The following FHIT variants were observed in gnomAD, a reference collection of about 807,000 sequenced individuals.
The protein encoded by FHIT is bis(5'-adenosyl)-triphosphatase.
FHIT carries 19 observed loss-of-function variants against 17.9 expected under a neutral mutation model. The ratio of observed to expected loss-of-function variants is 1.06; its 90% CI spans 0.74 to 1.56. FHIT has a LOEUF of 1.56. FHIT is among the 40% of genes most tolerant of loss of function. FHIT has a pLI of 0.00. For synonymous variants in FHIT, 81 were observed against 69.7 expected (o/e 1.16, Z -0.81); for missense variants, 248 against 189.2 (o/e 1.31, Z -1.82).
intron 5 of FHIT, among the ~76,000 whole-genome samples, chr3:60,273,481 G>C (rs546571247): frequency 2.0e-5 from 3 of 151,952 alleles, no homozygotes; most frequent in African/African-American, 7.2e-5. Context: ...GTGGTGGCGG[G>C]TGCCTGTCCT....
At chr3:61,070,515 C>T (rs541136681) in intron 2 of FHIT, among the ~76,000 whole-genome samples, 6 of 152,286 alleles carry the variant, frequency 3.9e-5, no homozygotes, top group African/African-American at 1.4e-4. Flanking sequence ...ATCTTGGCTG[C>T]TTCTAATTCA....
At chr3:60,616,883 A>G (rs782520373) in intron 4 of FHIT, 1 of 152,920 alleles carries the variant, frequency 6.5e-6, no homozygotes, top group Non-Finnish European at 1.5e-5. Context: ...TCTCTGGTAT[A>G]TGAGAACTTT....
chr3:60,689,564 C>T (rs541281867), intron 4 of FHIT, among the ~76,000 whole-genome samples: 6 of 152,212 alleles, frequency 3.9e-5, no homozygotes, highest in East Asian at 3.9e-4. Flanking sequence ...GACGACAGTA[C>T]TTGGTGATTT....
At chr3:60,662,513 G>A (rs2040282043) in intron 4 of FHIT, among the ~76,000 whole-genome samples, 1 of 151,958 alleles carries the variant, frequency 6.6e-6, no homozygotes, top group Non-Finnish European at 1.5e-5. Context: ...GTCTTGCTTT[G>A]GCTTTGTGGG....
chr3:60,226,219 T>C (rs533926958), intron 5 of FHIT, among the ~76,000 whole-genome samples: 42 of 152,144 alleles, frequency 2.8e-4, no homozygotes, highest in African/African-American at 9.9e-4. Flanking sequence ...ACACCTATAA[T>C]CCCAGCACTT....
chr3:59,880,345 C>T (rs925385127), intron 8 of FHIT, among the ~76,000 whole-genome samples: 1 of 152,204 alleles, frequency 6.6e-6, no homozygotes, highest in Admixed American at 6.5e-5. Flanking sequence ...CCCAAGGAAC[C>T]TGCCTTGCCC....
chr3:60,265,770 T>TA (rs1283118727), intron 5 of FHIT, among the ~76,000 whole-genome samples: 2 of 151,914 alleles, frequency 1.3e-5, no homozygotes, highest in Non-Finnish European at 2.9e-5. Flanking sequence ...GTAAAGGTTT[T>TA]AAATAGACAT....
chr3:60,788,163 G>C (rs1479429032), intron 4 of FHIT, among the ~76,000 whole-genome samples: 1 of 152,114 alleles, frequency 6.6e-6, no homozygotes, highest in African/African-American at 2.4e-5. Flanking sequence ...CCAGTAGCAC[G>C]TGCCTGTAGT....
At chr3:59,803,271 A>T (rs1050709631) in intron 8 of FHIT, among the ~76,000 whole-genome samples, 2 of 152,140 alleles carry the variant, frequency 1.3e-5, no homozygotes, top group East Asian at 1.9e-4. Context: ...GACGAGGTAA[A>T]TTTTTTTCCC....
chr3:61,100,374 T>C (rs563846367), intron 2 of FHIT, among the ~76,000 whole-genome samples: 22 of 152,310 alleles, frequency 1.4e-4, no homozygotes, highest in Non-Finnish European at 2.8e-4. Flanking sequence ...TCCATGTCCC[T>C]ACAAAGGACA....
chr3:59,879,322 T>C (rs1206625217), intron 8 of FHIT, among the ~76,000 whole-genome samples: 1 of 152,186 alleles, frequency 6.6e-6, no homozygotes, highest in Non-Finnish European at 1.5e-5. Context: ...AGCCAGAACA[T>C]GAGGATACAT....
At chr3:60,218,857 CTACATACATACA>C (rs36071604) in intron 5 of FHIT, among the ~76,000 whole-genome samples, 1 of 151,708 alleles carries the variant, frequency 6.6e-6, no homozygotes, top group Non-Finnish European at 1.5e-5. Flanking sequence ...TCTATACTGC[CTACATACATACA>C]TACATACATA....
At chr3:60,542,656 T>C (rs543083006) in intron 4 of FHIT, among the ~76,000 whole-genome samples, 1 of 152,320 alleles carries the variant, frequency 6.6e-6, no homozygotes, top group East Asian at 1.9e-4. Flanking sequence ...TTGTATATTC[T>C]AAATATTGAT....
chr3:60,221,578 G>C (rs1237798376), intron 5 of FHIT, among the ~76,000 whole-genome samples: 3 of 152,262 alleles, frequency 2.0e-5, no homozygotes, highest in South Asian at 4.1e-4. Flanking sequence ...TTCCCACAAG[G>C]CTCCTTCATG....
chr3:60,211,792 G>C (rs1703464018), intron 5 of FHIT, among the ~76,000 whole-genome samples: 1 of 152,036 alleles, frequency 6.6e-6, no homozygotes, highest in African/African-American at 2.4e-5. Context: ...ATTCTGACTG[G>C]GGAAAACCAC....
At chr3:60,434,516 A>G (rs2030032596) in intron 5 of FHIT, among the ~76,000 whole-genome samples, 1 of 151,998 alleles carries the variant, frequency 6.6e-6, no homozygotes, top group African/African-American at 2.4e-5. Context: ...TGATCACACT[A>G]TCCTAGTCCC....
At chr3:60,355,391 C>A (rs997222003) in intron 5 of FHIT, among the ~76,000 whole-genome samples, 3 of 151,854 alleles carry the variant, frequency 2.0e-5, no homozygotes, top group African/African-American at 7.3e-5. Context: ...TCTAATCTGT[C>A]ATCTGTTATT....
chr3:60,158,451 A>G (rs1700801758), intron 5 of FHIT, among the ~76,000 whole-genome samples: 1 of 152,120 alleles, frequency 6.6e-6, no homozygotes, highest in Non-Finnish European at 1.5e-5. Flanking sequence ...AACTAGGATT[A>G]CAGGCACCTG....
intron 2 of FHIT, among the ~76,000 whole-genome samples, chr3:61,121,777 A>G (rs2036464039): frequency 6.6e-6 from 1 of 152,232 alleles, no homozygotes; most frequent in African/African-American, 2.4e-5. Context: ...AAATGCCACA[A>G]TTAAAAGACA....
Sources: allele counts gnomAD v4.1 joint callset (sites outside exome capture counted in the v4.1 genomes callset), GRCh38; gene constraint gnomAD v4.1.1; transcripts MANE v1.5; gene names NCBI Gene and HGNC (gene_info 2026-07-23, HGNC 2026-07-21).